GALNT1: variants seen among roughly 807,000 people sequenced by gnomAD.
GALNT1 encodes polypeptide N-acetylgalactosaminyltransferase 1.
A neutral mutation model predicts 65.7 loss-of-function variants in GALNT1; 17 were observed. The ratio of observed to expected loss-of-function variants is 0.26; its 90% CI spans 0.18 to 0.39. The LOEUF (loss-of-function observed/expected upper bound fraction) is 0.39, where lower values mean the gene tolerates loss of function less well. GALNT1 is among the 10% of genes least tolerant of loss of function. The probability of loss-of-function intolerance (pLI) is 1.00; values close to 1 mark genes in which losing one functional copy is unlikely to be tolerated. For missense variants in GALNT1, 460 were observed against 672.8 expected (o/e 0.68, Z 3.50); for synonymous variants, 210 against 219.7 (o/e 0.96, Z 0.39).
At chr18:35,649,986 T>A (rs1212913336) in intron 1 of GALNT1, among the ~76,000 whole-genome samples, 1 of 152,104 alleles carries the variant, frequency 6.6e-6, no homozygotes, top group African/African-American at 2.4e-5. Context: ...CCAGATGATG[T>A]TGTTAGTCTT....
intron 1 of GALNT1, among the ~76,000 whole-genome samples, chr18:35,628,917 A>G (rs2046961307): frequency 6.6e-6 from 1 of 152,260 alleles, no homozygotes; most frequent in African/African-American, 2.4e-5. Context: ...CTACATGACG[A>G]ATGCGCAAGC....
chr18:35,667,908 A>C (rs1407775305), intron 3 of GALNT1, among the ~76,000 whole-genome samples: 2 of 152,206 alleles, frequency 1.3e-5, no homozygotes, highest in Non-Finnish European at 1.5e-5. Flanking sequence ...GTTATTATGG[A>C]CAGGTTCATT....
At chr18:35,583,269 A>G (rs1402260374) in intron 1 of GALNT1, among the ~76,000 whole-genome samples, 2 of 152,196 alleles carry the variant, frequency 1.3e-5, no homozygotes, top group African/African-American at 4.8e-5. Flanking sequence ...CTGCACATCA[A>G]CTGAATCAGT....
At chr18:35,684,776 A>G (rs1335171027) in intron 5 of GALNT1, among the ~76,000 whole-genome samples, 1 of 152,246 alleles carries the variant, frequency 6.6e-6, no homozygotes. Flanking sequence ...TCCAAACACT[A>G]AAGCCAGCTT....
At chr18:35,582,258 G>A (rs571107336) in intron 1 of GALNT1, among the ~76,000 whole-genome samples, 2 of 152,286 alleles carry the variant, frequency 1.3e-5, no homozygotes, top group African/African-American at 4.8e-5. Context: ...CGCCGGCAGC[G>A]GGGGAGGGGG....
intron 1 of GALNT1, among the ~76,000 whole-genome samples, chr18:35,588,639 T>G (rs2046406231): frequency 6.6e-6 from 1 of 152,180 alleles, no homozygotes; most frequent in Non-Finnish European, 1.5e-5. Flanking sequence ...TCCATTTCTC[T>G]CTTATTCATA....
At chr18:35,682,247 T>C (rs777846868) in intron 4 of GALNT1, among the ~76,000 whole-genome samples, 7 of 152,202 alleles carry the variant, frequency 4.6e-5, no homozygotes, top group Non-Finnish European at 7.4e-5. Context: ...CTTTCTCTTT[T>C]ACAGCTTTTT....
intron 1 of GALNT1, among the ~76,000 whole-genome samples, chr18:35,647,373 C>G (rs2047244424): frequency 6.6e-6 from 1 of 152,018 alleles, no homozygotes; most frequent in Non-Finnish European, 1.5e-5. Context: ...TTTTGTTCAC[C>G]CTTGTATTCC....
intron 1 of GALNT1, among the ~76,000 whole-genome samples, chr18:35,637,977 T>G (rs2047113726): frequency 6.6e-6 from 1 of 152,220 alleles, no homozygotes; most frequent in Non-Finnish European, 1.5e-5. Context: ...GTTTACAACA[T>G]GGTTTATTGA....
chr18:35,661,366 G>T (rs757745759), intron 2 of GALNT1, among the ~76,000 whole-genome samples: 3 of 152,096 alleles, frequency 2.0e-5, no homozygotes, highest in Non-Finnish European at 2.9e-5. Flanking sequence ...AGATATGGTG[G>T]CGCGTGTCTG....
At chr18:35,699,537 G>A (rs2144719272) in intron 9 of GALNT1, among the ~76,000 whole-genome samples, 1 of 152,300 alleles carries the variant, frequency 6.6e-6, no homozygotes, top group African/African-American at 2.4e-5. Context: ...TGAGCAGTTA[G>A]CTGTAGACTG....
intron 9 of GALNT1, among the ~76,000 whole-genome samples, chr18:35,694,083 A>G (rs2048013698): frequency 6.6e-6 from 1 of 152,218 alleles, no homozygotes; most frequent in Non-Finnish European, 1.5e-5. Context: ...ATGAGTACTT[A>G]GAATTGGTTA....
chr18:35,654,609 C>T lies in GALNT1; in HGVS notation c.-54C>T, dbSNP rs1898659630. 1 of 1,002,174 alleles carries T rather than the reference C, an allele frequency of 1.0e-6. No individual in the cohort carries two copies. The highest frequency in any genetic ancestry group is 1.3e-6 in the Non-Finnish European group (1 of 768,246). 62.1% of individuals were successfully genotyped at this position (1,002,174 alleles called of 1,614,324 possible). A position where few individuals can be genotyped will look rare whatever the true frequency, so the allele number is the denominator to read the frequency against. ...ACTGGATTGGAATAATTTTCATGAT[C>T]TTTGTATATTTATATATATATATTT... On this transcript the variant is annotated 5_prime_UTR_variant, in exon 2 of 12. Coordinates refer to ENST00000269195, the MANE Select transcript of GALNT1 (RefSeq NM_020474.4).
chr18:35,639,874 G>A (rs2047139393), intron 1 of GALNT1, among the ~76,000 whole-genome samples: 2 of 151,920 alleles, frequency 1.3e-5, no homozygotes, highest in Admixed American at 1.3e-4. Flanking sequence ...TCAGCTCACT[G>A]CAACCTCCAC....
chr18:35,682,279 T>A (rs1287859429), intron 4 of GALNT1, among the ~76,000 whole-genome samples: 2 of 151,522 alleles, frequency 1.3e-5, no homozygotes, highest in Non-Finnish European at 2.9e-5. Flanking sequence ...TATTTCATTA[T>A]TGAGTCATTT....
At chr18:35,695,393 G>C (rs1419811916) in intron 9 of GALNT1, among the ~76,000 whole-genome samples, 1 of 152,150 alleles carries the variant, frequency 6.6e-6, no homozygotes, top group Non-Finnish European at 1.5e-5. Flanking sequence ...GAAGTGTGAG[G>C]ACCTTCTCTT....
intron 11 of GALNT1, among the ~76,000 whole-genome samples, chr18:35,708,704 ACTAT>A (rs138924368): frequency 2.8e-3 from 428 of 152,272 alleles, no homozygotes; most frequent in African/African-American, 9.5e-3. Flanking sequence ...ATCATTGTTA[ACTAT>A]CTATCTGTTA....
At chr18:35,698,810 C>T (rs1487387273) in intron 9 of GALNT1, among the ~76,000 whole-genome samples, 2 of 151,564 alleles carry the variant, frequency 1.3e-5, no homozygotes, top group Non-Finnish European at 2.9e-5. Flanking sequence ...AATCCTGTCT[C>T]TACAAAAAAA....
intron 1 of GALNT1, among the ~76,000 whole-genome samples, chr18:35,601,740 T>C (rs2046585451): frequency 6.6e-6 from 1 of 152,192 alleles, no homozygotes; most frequent in South Asian, 2.1e-4. Context: ...ATGTTCCATG[T>C]GCCGATGAAA....
Sources: allele counts gnomAD v4.1 joint callset (sites outside exome capture counted in the v4.1 genomes callset), GRCh38; gene constraint gnomAD v4.1.1; transcripts MANE v1.5; gene names NCBI Gene and HGNC (gene_info 2026-07-23, HGNC 2026-07-21).